PAK1IP1: variants seen among roughly 807,000 people sequenced by gnomAD.
PAK1IP1 encodes PAK1 interacting protein 1.
In PAK1IP1, 24 loss-of-function variants were observed where a neutral mutation model predicts 42.0. The observed-to-expected ratio is 0.57, with a 90% CI of 0.41 to 0.80. The LOEUF is 0.80. Among genes scored for constraint, PAK1IP1 ranks in the 30% least tolerant of loss-of-function variants. The pLI is 0.00. For synonymous variants in PAK1IP1, 154 were observed against 156.7 expected, an observed-to-expected ratio of 0.98 and a Z score of 0.13; for missense variants, 411 against 467.9, an observed-to-expected ratio of 0.88 and a Z score of 1.12.
At chr6:10,708,872 A>T in intron 8 of PAK1IP1, 81 bp from the exon 9 acceptor site, 1 of 1,124,196 alleles carries the variant, frequency 8.9e-7, no homozygotes, top group South Asian at 1.5e-5. Context: ...AAATACAGGA[A>T]GTTTTAAATT....
upstream of PAK1IP1, among the ~76,000 whole-genome samples, chr6:10,692,147 G>C (rs1383418681): frequency 1.3e-5 from 2 of 152,184 alleles, no homozygotes; most frequent in African/African-American, 4.8e-5. Context: ...GCATGATTTT[G>C]AAAGTTTTAG....
In PAK1IP1 at chr6:10,704,808, T is replaced by C. The variant is rs756266685; in HGVS notation, c.704T>C (p.Leu235Pro). Residue 235 changes from leucine to proline, a missense_variant, in exon 7 of 10, where the codon CTA becomes CCA. Coordinates refer to ENST00000379568, the MANE Select transcript of PAK1IP1 (RefSeq NM_017906.3). ...ATAAGGTTTTTTGACTGTGATTCACTAGTGTGCCTCTGCGAATTTAAAGCT... is the reference window on the plus strand; with the variant it reads ...ATAAGGTTTTTTGACTGTGATTCACCAGTGTGCCTCTGCGAATTTAAAGCT... ...EVIRFFDCDS[L>P]VCLCEFKAHE... The C allele has an allele frequency of 5.0e-6, 8 of 1,612,920 alleles. No homozygotes were observed. The African/African-American group carries it at 9.3e-5, about 19-fold the overall frequency.
upstream of PAK1IP1, among the ~76,000 whole-genome samples, chr6:10,693,560 C>T (rs1056208844): frequency 1.3e-5 from 2 of 152,188 alleles, no homozygotes; most frequent in African/African-American, 4.8e-5. Context: ...CACTGTATCG[C>T]ACTTGAAATG....
chr6:10,709,603 TAAAA>T lies in PAK1IP1; in HGVS notation c.*164_*167del, dbSNP rs34602235. On this transcript the variant is annotated 3_prime_UTR_variant, in exon 10 of 10. Coordinates refer to ENST00000379568, the MANE Select transcript of PAK1IP1 (RefSeq NM_017906.3). ...AAAACCACTTTTAGATGGTTTTTTT[TAAAA>T]AAAAAAAAAAAACTGGTAAAATTAC... 2,820 of 284,146 alleles carry T rather than the reference TAAAA, an allele frequency of 9.9e-3. 81 individuals carry two copies. The highest frequency in any genetic ancestry group is 0.061 in the African/African-American group (2,522 of 41,258). 17.6% of individuals were successfully genotyped at this position (284,146 alleles called of 1,614,324 possible). A position where few individuals can be genotyped will look rare whatever the true frequency, so the allele number is the denominator to read the frequency against.
intron 7 of PAK1IP1, among the ~76,000 whole-genome samples, chr6:10,707,141 T>G (rs930970947): frequency 2.0e-5 from 3 of 152,232 alleles, no homozygotes; most frequent in African/African-American, 7.2e-5. Context: ...CATCTTTAGT[T>G]CCTTTGTGAT....
intron 5 of PAK1IP1, among the ~76,000 whole-genome samples, chr6:10,704,187 A>G (rs1453096202): frequency 6.6e-6 from 1 of 151,656 alleles, no homozygotes; most frequent in Admixed American, 6.6e-5. Context: ...TGCTTGGCTA[A>G]TTTTTTGTAT....
intron 8 of PAK1IP1, 135 bp downstream of exon 8, chr6:10,707,649 G>A: frequency 1.0e-5 from 6 of 571,468 alleles, no homozygotes; most frequent in Non-Finnish European, 1.9e-5. Flanking sequence ...GATATTAATG[G>A]TTTTAAAATT....
intron 4 of PAK1IP1, 77 bp from the exon 5 acceptor site, chr6:10,703,328 C>A: frequency 9.7e-7 from 1 of 1,031,714 alleles, no homozygotes; most frequent in Non-Finnish European, 1.5e-6. Context: ...TCACTTAAGT[C>A]TTCATTATGC....
upstream of PAK1IP1, among the ~76,000 whole-genome samples, chr6:10,693,669 G>A (rs1201229454): frequency 6.6e-6 from 1 of 152,194 alleles, no homozygotes; most frequent in Non-Finnish European, 1.5e-5. Flanking sequence ...TTACTCTGTT[G>A]GGAGCTTGTA....
intron 6 of PAK1IP1, 44 bp downstream of exon 6, chr6:10,704,696 G>T: frequency 6.2e-7 from 1 of 1,601,448 alleles, no homozygotes; most frequent in South Asian, 1.1e-5. Context: ...GGTGATGGTT[G>T]GAACTGTTGA....
chr6:10,701,022 T>TC (rs1383172716), intron 2 of PAK1IP1, among the ~76,000 whole-genome samples: 1 of 152,118 alleles, frequency 6.6e-6, no homozygotes, highest in Non-Finnish European at 1.5e-5. Flanking sequence ...GTGTTGTTTT[T>TC]CCCCTGTGTG....
At chr6:10,696,553 A>G (rs1327736214) in intron 1 of PAK1IP1, among the ~76,000 whole-genome samples, 2 of 152,234 alleles carry the variant, frequency 1.3e-5, no homozygotes, top group Non-Finnish European at 2.9e-5. Context: ...TCACATGGCA[A>G]TAAGCACAGA....
chr6:10,697,303 G>A (rs1211552504), intron 1 of PAK1IP1, 21 bp from the exon 2 acceptor site: 1 of 1,605,864 alleles, frequency 6.2e-7, no homozygotes, highest in African/African-American at 1.3e-5. Flanking sequence ...GGCATTAATT[G>A]TATGTTTTCA....
intron 1 of PAK1IP1, among the ~76,000 whole-genome samples, chr6:10,695,934 T>C (rs1769818376): frequency 6.6e-6 from 1 of 152,136 alleles, no homozygotes; most frequent in Non-Finnish European, 1.5e-5. Context: ...AAGTGATGTG[T>C]TTTGAATAGT....
At chr6:10,694,594 CCCTA>C, upstream of PAK1IP1, 2 of 179,514 alleles carry the variant, frequency 1.1e-5, no homozygotes, top group South Asian at 9.8e-5. Context: ...GCGCTACAGC[CCCTA>C]AGCAACCGGC....
Position 10,704,560 on chromosome 6 carries a change from C to T in PAK1IP1, c.550C>T (p.Gln184Ter), listed in dbSNP as rs771049452. 2 of 1,598,588 alleles carry T rather than the reference C, an allele frequency of 1.3e-6. No homozygotes were observed. Among genetic ancestry groups the T allele is most frequent in the East Asian group, 4.5e-5 (2 of 44,740 alleles). ...PRGEQYVVIIQNKIDIYQLDT... is the reference protein window; with the variant it reads ...PRGEQYVVII ...AGGAGAGCAGTATGTAGTTATCATA[C>T]AGAATAAAATAGACATCTATCAGCT... Residue 184 changes from glutamine to a stop codon, truncating the protein, a stop_gained, in exon 6 of 10, where the codon CAG becomes TAG. Coordinates refer to ENST00000379568, the MANE Select transcript of PAK1IP1 (RefSeq NM_017906.3). LOFTEE classifies it high-confidence loss of function.
At chr6:10,702,073 C>T (rs1271988430) in intron 2 of PAK1IP1, among the ~76,000 whole-genome samples, 2 of 151,894 alleles carry the variant, frequency 1.3e-5, no homozygotes, top group Non-Finnish European at 2.9e-5. Flanking sequence ...AACACTGTAT[C>T]TACAAAAAAT....
upstream of PAK1IP1, among the ~76,000 whole-genome samples, chr6:10,691,424 T>G (rs927571450): frequency 6.6e-6 from 1 of 152,090 alleles, no homozygotes; most frequent in Non-Finnish European, 1.5e-5. Context: ...GGGGGCTGCA[T>G]GCACCGGTAA....
chr6:10,703,462 G>C lies in PAK1IP1; in HGVS notation c.496+5G>C. On this transcript the variant is annotated splice_donor_5th_base_variant and intron_variant, in intron 5 of 9. Transcript: ENST00000379568. ...TCATAAAAAATATAAAACAAAGTGA[G>C]TATTTTTGTTTGAAATGCAGGTTGA... 1.3e-6 allele frequency: 2 copies of C among 1,593,150 alleles called. No homozygotes were observed. The highest frequency in any genetic ancestry group is 1.7e-6 in the Non-Finnish European group (2 of 1,163,086).
Sources: gnomAD v4.1 joint callset for allele counts (sites outside exome capture counted in the v4.1 genomes callset) on GRCh38, gnomAD v4.1.1 for gene constraint, MANE v1.5 for transcripts, NCBI Gene and HGNC (gene_info 2026-07-23, HGNC 2026-07-21) for gene names.